Variants in SLC12A7 observed in about 807,000 individuals in gnomAD.
SLC12A7 encodes solute carrier family 12 member 7.
In SLC12A7, 100 loss-of-function variants were observed where a neutral mutation model predicts 120.6. That is an observed-to-expected ratio of 0.83 (90% CI 0.71 to 0.98). SLC12A7 has a LOEUF of 0.98. Ranked by LOEUF, SLC12A7 falls within the 50% of genes least tolerant of loss-of-function variation. The pLI is 0.00. For synonymous variants in SLC12A7, 760 were observed against 678.0 expected (o/e 1.12, Z -1.88); for missense variants, 1,373 against 1,548.1 (o/e 0.89, Z 1.90).
intron 9 of SLC12A7, among the ~76,000 whole-genome samples, chr5:1,081,054 G>A (rs927096270): frequency 3.8e-5 from 3 of 79,146 alleles, no homozygotes; most frequent in Non-Finnish European, 7.5e-5. Flanking sequence ...GGAAGAAGAG[G>A]GAGACAGAGA....
At chr5:1,060,131 G>T (rs934700263) in intron 21 of SLC12A7, among the ~76,000 whole-genome samples, 3 of 152,252 alleles carry the variant, frequency 2.0e-5, no homozygotes, top group Non-Finnish European at 4.4e-5. Context: ...CGCACGCCCA[G>T]GCTCCGATGA....
upstream of SLC12A7, among the ~76,000 whole-genome samples, chr5:1,116,728 G>A (rs1203933621): frequency 3.3e-5 from 5 of 152,272 alleles, no homozygotes; most frequent in East Asian, 7.7e-4. Context: ...ACGGACGCCC[G>A]TGAGTTGCAG....
chr5:1,076,841 C>A (rs768757059), intron 12 of SLC12A7, 29 bp from the exon 13 acceptor site: 109 of 1,421,408 alleles, frequency 7.7e-5, no homozygotes, highest in Non-Finnish European at 6.9e-5. Flanking sequence ...GAAGATGGGG[C>A]AGATGACACC....
chr5:1,053,470 G>A lies in SLC12A7; in HGVS notation c.3039C>T (p.Asn1013=), dbSNP rs148589244. The change falls in exon 23 of 24, where the codon AAC becomes AAT. Residue 1013 remains asparagine (N), a synonymous_variant. Transcript: ENST00000264930. Reference sequence around the variant, plus strand: ...TCACAGCCGTGTGCATCCGCCTGACGTTGGACTGGTCCCTGCAGGGGAGGT... The same window carrying A: ...TCACAGCCGTGTGCATCCGCCTGACATTGGACTGGTCCCTGCAGGGGAGGT... ...DLFSMKPDQS[N]VRRMHTAVKL... 85 of 1,613,690 alleles carry A rather than the reference G, an allele frequency of 5.3e-5. No individual in the cohort carries two copies. Among genetic ancestry groups the A allele is most frequent in the Non-Finnish European group, 6.3e-5 (74 of 1,179,970 alleles).
At chr5:1,075,793 G>A (rs1214847262) in intron 14 of SLC12A7, 3 of 496,398 alleles carry the variant, frequency 6.0e-6, no homozygotes, top group Non-Finnish European at 1.1e-5. Context: ...CCTGATTCCT[G>A]GGGAGGGGAG....
chr5:1,138,221 C>A, the SLC12A7 span, among the ~76,000 whole-genome samples: 2 of 152,152 alleles, frequency 1.3e-5, no homozygotes, highest in African/African-American at 4.8e-5. Context: ...CCTTCCACAT[C>A]ATTGAAATGA....
chr5:1,085,528 C>A, intron 6 of SLC12A7, 55 bp from the exon 7 acceptor site: 1 of 1,511,512 alleles, frequency 6.6e-7, no homozygotes, highest in Non-Finnish European at 8.9e-7. Context: ...CCCCAGTGCC[C>A]GTCCCTCCCG....
chr5:1,067,997 G>C (rs1368450123), intron 17 of SLC12A7, among the ~76,000 whole-genome samples: 1 of 152,212 alleles, frequency 6.6e-6, no homozygotes, highest in Non-Finnish European at 1.5e-5. Context: ...CTTTACGAGC[G>C]GGGAGCAAGA....
At chr5:1,089,233 G>T in intron 3 of SLC12A7, 105 bp from the exon 4 acceptor site, 1 of 1,166,264 alleles carries the variant, frequency 8.6e-7, no homozygotes, top group Non-Finnish European at 1.2e-6. Flanking sequence ...GGCCGTGGGG[G>T]CAGGAGGGGG....
In SLC12A7 at chr5:1,079,448, T is replaced by G; in HGVS notation, c.1346A>C (p.Lys449Thr). 1 of 1,612,816 alleles carries G rather than the reference T, an allele frequency of 6.2e-7. No homozygotes were observed. The highest frequency in any genetic ancestry group is 8.5e-7 in the Non-Finnish European group (1 of 1,179,888). ...NRSGDLKDAQ[K>T]SIPTGTILAI... Reference sequence around the variant, plus strand: ...CAGGATGGTCCCCGTGGGGATGGACTTCTGTGCATCCTTGAGGTCCCCGGA... The same window carrying G: ...CAGGATGGTCCCCGTGGGGATGGACGTCTGTGCATCCTTGAGGTCCCCGGA... Residue 449 changes from lysine (K) to threonine (T), a missense_variant, in exon 10 of 24, where the codon AAG becomes ACG. By Grantham distance (78) the Lys-to-Thr change is moderately conservative (BLOSUM62 -1). Transcript: ENST00000264930.
chr5:1,112,272 C>T (rs944610950), upstream of SLC12A7, among the ~76,000 whole-genome samples: 1 of 151,010 alleles, frequency 6.6e-6, no homozygotes, highest in Non-Finnish European at 1.5e-5. Flanking sequence ...CGCGAATCCC[C>T]GCTCAGTCTC....
intron 12 of SLC12A7, among the ~76,000 whole-genome samples, 164 bp downstream of exon 12, chr5:1,077,669 C>G (rs981050306): frequency 1.3e-5 from 2 of 152,178 alleles, no homozygotes; most frequent in African/African-American, 4.8e-5. Flanking sequence ...CCACCCACCT[C>G]CCACCACTCC....
chr5:1,112,774 A>G (rs1743139709), upstream of SLC12A7, among the ~76,000 whole-genome samples: 1 of 148,342 alleles, frequency 6.7e-6, no homozygotes, highest in Non-Finnish European at 1.5e-5. Context: ...CTGGCTGCAA[A>G]GGCAACTCCA....
chr5:1,116,269 G>GC (rs893241091), upstream of SLC12A7, among the ~76,000 whole-genome samples: 1 of 152,210 alleles, frequency 6.6e-6, no homozygotes, highest in Non-Finnish European at 1.5e-5. Flanking sequence ...ACCGCAAGCT[G>GC]CCCCCCGCCC....
intron 9 of SLC12A7, among the ~76,000 whole-genome samples, chr5:1,080,375 C>T (rs1489312250): frequency 3.3e-5 from 5 of 152,170 alleles, no homozygotes; most frequent in Admixed American, 6.5e-5. Context: ...GAGGCTGGAG[C>T]GGAGGTACAG....
the SLC12A7 span, among the ~76,000 whole-genome samples, chr5:1,134,851 C>T: frequency 1.3e-5 from 2 of 151,954 alleles, no homozygotes; most frequent in Non-Finnish European, 2.9e-5. Flanking sequence ...AAGAAGGGCA[C>T]GGCCAGGCGC....
At chr5:1,082,529 A>T (rs866822443) in intron 8 of SLC12A7, among the ~76,000 whole-genome samples, 4 of 75,140 alleles carry the variant, frequency 5.3e-5, no homozygotes, top group East Asian at 1.2e-3. Context: ...TTCCCGTCTC[A>T]GGTTCTGGAA....
At chr5:1,100,981 C>T (rs898609208) in intron 1 of SLC12A7, among the ~76,000 whole-genome samples, 2 of 152,172 alleles carry the variant, frequency 1.3e-5, no homozygotes, top group Admixed American at 6.5e-5. Flanking sequence ...GAGCCCTCGA[C>T]GAGCTGAGCC....
At chr5:1,148,375 T>C in the SLC12A7 span, among the ~76,000 whole-genome samples, 66 of 151,842 alleles carry the variant, frequency 4.3e-4, no homozygotes, top group Non-Finnish European at 6.0e-4. Context: ...CCCGGCTAAT[T>C]TTTTGTATTT....
Sources: allele counts gnomAD v4.1 joint callset (sites outside exome capture counted in the v4.1 genomes callset), GRCh38; gene constraint gnomAD v4.1.1; transcripts MANE v1.5; gene names NCBI Gene and HGNC (gene_info 2026-07-23, HGNC 2026-07-21).